The following ADGRL2 variants were observed in gnomAD, a reference collection of about 807,000 sequenced individuals.
ADGRL2 encodes the protein adhesion G protein-coupled receptor L2, also known as calcium-independent alpha-latrotoxin receptor 2.
A neutral mutation model predicts 157.4 loss-of-function variants in ADGRL2; 44 were observed. That is an observed-to-expected ratio of 0.28 (90% CI 0.22 to 0.36). The LOEUF (loss-of-function observed/expected upper bound fraction) is 0.36. ADGRL2 is among the 10% of genes least tolerant of loss of function. ADGRL2 has a pLI of 1.00. For missense variants in ADGRL2, 1,510 were observed against 1,768.9 expected, an observed-to-expected ratio of 0.85 and a Z score of 2.63; for synonymous variants, 585 against 624.7, an observed-to-expected ratio of 0.94 and a Z score of 0.95.
At chr1:81,511,797 ATTT>A (rs918777038) in intron 2 of ADGRL2, among the ~76,000 whole-genome samples, 1 of 148,652 alleles carries the variant, frequency 6.7e-6, no homozygotes, top group Non-Finnish European at 1.5e-5. Flanking sequence ...ATGTTCCGGA[ATTT>A]TTTTTTTTCT....
upstream of ADGRL2, among the ~76,000 whole-genome samples, chr1:81,695,836 A>AC (rs2083431999): frequency 1.3e-5 from 2 of 151,842 alleles, no homozygotes; most frequent in African/African-American, 4.8e-5. Context: ...AAAAAAAAAA[A>AC]AGAATTAAGT....
intron 3 of ADGRL2, among the ~76,000 whole-genome samples, chr1:81,636,596 A>G (rs1229367207): frequency 2.6e-5 from 4 of 152,038 alleles, no homozygotes. Context: ...GGGAGCTTTA[A>G]AGCCATTACC....
intron 3 of ADGRL2, among the ~76,000 whole-genome samples, chr1:81,650,504 A>T (rs894953478): frequency 2.7e-5 from 4 of 147,678 alleles, no homozygotes; most frequent in African/African-American, 7.5e-5. Flanking sequence ...TGAACCCAGG[A>T]GGTGGAGGTT....
intron 2 of ADGRL2, among the ~76,000 whole-genome samples, chr1:81,563,166 C>T (rs1022998911): frequency 2.0e-5 from 3 of 152,042 alleles, no homozygotes; most frequent in African/African-American, 7.2e-5. Context: ...GAAATGGGCT[C>T]GTGTCACCCA....
At chr1:81,519,140 G>A (rs2079251531) in intron 2 of ADGRL2, among the ~76,000 whole-genome samples, 1 of 152,112 alleles carries the variant, frequency 6.6e-6, no homozygotes, top group East Asian at 1.9e-4. Context: ...CCTAAACCCA[G>A]CTATTTGAAG....
intron 2 of ADGRL2, among the ~76,000 whole-genome samples, chr1:81,446,885 T>G (rs1178344266): frequency 6.6e-6 from 1 of 152,138 alleles, no homozygotes; most frequent in Non-Finnish European, 1.5e-5. Context: ...ATTACAAATG[T>G]TATAATTTAT....
intron 2 of ADGRL2, among the ~76,000 whole-genome samples, chr1:81,459,758 ATATC>A (rs2077883728): frequency 6.6e-6 from 1 of 151,134 alleles, no homozygotes; most frequent in African/African-American, 2.4e-5. Flanking sequence ...ACACATATAT[ATATC>A]CTGCTTAGTG....
chr1:81,579,391 T>G (rs2080860987), intron 2 of ADGRL2: 1 of 152,178 alleles, frequency 6.6e-6, no homozygotes, highest in South Asian at 2.1e-4. Context: ...GTATGTTATG[T>G]GTTTTCAGCC....
intron 2 of ADGRL2, among the ~76,000 whole-genome samples, chr1:81,851,666 T>C (rs1284930401): frequency 1.3e-5 from 2 of 151,860 alleles, no homozygotes; most frequent in East Asian, 3.9e-4. Flanking sequence ...TATTAAAATG[T>C]TTATAGCTTG....
At chr1:81,409,900 T>C (rs1271919629) in intron 1 of ADGRL2, among the ~76,000 whole-genome samples, 2 of 152,172 alleles carry the variant, frequency 1.3e-5, no homozygotes, top group Non-Finnish European at 2.9e-5. Context: ...AGCCCCTGCC[T>C]TTGGTATATT....
At chr1:81,858,851 A>G (rs1307115785) in intron 2 of ADGRL2, among the ~76,000 whole-genome samples, 2 of 152,076 alleles carry the variant, frequency 1.3e-5, no homozygotes, top group Admixed American at 6.6e-5. Flanking sequence ...TAGAGTGCTT[A>G]TTTCCTATTG....
rs559570831 is a variant in ADGRL2 at position 81,993,493 on chromosome 1, C to G, written c.*2348C>G. ...TTCTCTTGAGGCAGTTCTCAAAACT[C>G]TAAAGACATGAACACTGCATCGTAC... On this transcript the variant is annotated 3_prime_UTR_variant, in exon 24 of 24. Transcript: ENST00000686636. 6.6e-6 allele frequency among the ~76,000 whole-genome samples: 1 copy of G among 152,158 alleles called. No individual in the cohort carries two copies. Among genetic ancestry groups the G allele is most frequent in the African/African-American group, 2.4e-5 (1 of 41,512 alleles).
intron 2 of ADGRL2, among the ~76,000 whole-genome samples, chr1:81,840,064 A>G (rs920108340): frequency 2.7e-5 from 4 of 149,200 alleles, no homozygotes; most frequent in Non-Finnish European, 4.5e-5. Flanking sequence ...GCATGAAGGC[A>G]TGATTCTTAC....
intron 2 of ADGRL2, among the ~76,000 whole-genome samples, chr1:81,790,646 A>C (rs1273982395): frequency 6.6e-6 from 1 of 152,212 alleles, no homozygotes; most frequent in Admixed American, 6.5e-5. Flanking sequence ...AATGGTATTC[A>C]TCATTATAGG....
chr1:81,943,383 A>G lies in ADGRL2; in HGVS notation c.824A>G (p.Asn275Ser). ...GATATCGACCTAGCAGTTGATGAAA[A>G]TGGTTTATGGGTCATTTACGCCACT... is the stretch of plus-strand genomic sequence containing the variant. ...KTDIDLAVDE[N>S]GLWVIYATEQ... The change falls in exon 6 of 24, where the codon AAT becomes AGT. Residue 275 changes from asparagine (N) to serine (S), a missense_variant. Transcript: ENST00000686636. The surrounding 1 kb of genome is among the most constrained non-coding windows in gnomAD (Gnocchi z 5.6). The G allele has an allele frequency of 6.2e-7, 1 of 1,613,768 alleles. No homozygotes were observed. The highest frequency in any genetic ancestry group is 1.3e-5 in the African/African-American group (1 of 75,030).
In ADGRL2 at chr1:81,333,146, C is replaced by G. The variant is rs1661383242; in HGVS notation, c.-302+26637C>G. 2.6e-5 allele frequency among the ~76,000 whole-genome samples: 4 copies of G among 152,106 alleles called. No individual in the cohort carries two copies. The South Asian group carries it at 8.3e-4, about 32-fold the overall frequency. ...CATTTAAAAGGTGTTTATGTTAAGG[C>G]TTTCCTTAGCATCTACCAGAGTGTA... On this transcript the variant is annotated intron_variant, in intron 1 of 24. Transcript: ENST00000370721.
intron 2 of ADGRL2, among the ~76,000 whole-genome samples, chr1:81,869,064 T>C (rs931809070): frequency 9.9e-5 from 15 of 152,098 alleles, no homozygotes; most frequent in African/African-American, 1.4e-4. Context: ...AGATGAAACA[T>C]TGAAATCAGT....
intron 1 of ADGRL2, among the ~76,000 whole-genome samples, chr1:81,390,507 A>T (rs5026588): frequency 6.8e-6 from 1 of 147,292 alleles, no homozygotes; most frequent in Non-Finnish European, 1.5e-5. Flanking sequence ...GATACAAATG[A>T]TTCATGCTTA....
At chr1:81,822,508 T>G (rs2091088260) in intron 1 of ADGRL2, among the ~76,000 whole-genome samples, 1 of 151,840 alleles carries the variant, frequency 6.6e-6, no homozygotes. Context: ...TTTTTAAAAT[T>G]TTATTTATTT....
Sources: allele counts gnomAD v4.1 joint callset (sites outside exome capture counted in the v4.1 genomes callset), GRCh38; gene constraint gnomAD v4.1.1; non-coding constraint Gnocchi (gnomAD v3.1); transcripts MANE v1.5; gene names NCBI Gene and HGNC (gene_info 2026-07-23, HGNC 2026-07-21).